Variants in ENPP3 observed in about 807,000 individuals in gnomAD.
The protein encoded by ENPP3 is ectonucleotide pyrophosphatase/phosphodiesterase family member 3.
In ENPP3, 104 loss-of-function variants were observed where a neutral mutation model predicts 117.8. The ratio of observed to expected loss-of-function variants is 0.88; its 90% CI spans 0.75 to 1.04. ENPP3 has a LOEUF of 1.04. Among genes scored for constraint, ENPP3 ranks in the 50% least tolerant of loss-of-function variants. The pLI is 0.00. For missense variants in ENPP3, 1,026 were observed against 1,051.9 expected, an observed-to-expected ratio of 0.98 and a Z score of 0.34; for synonymous variants, 380 against 349.9, an observed-to-expected ratio of 1.09 and a Z score of -0.96.
At chr6:131,727,459 G>A (rs2114544884) in intron 20 of ENPP3, among the ~76,000 whole-genome samples, 1 of 149,964 alleles carries the variant, frequency 6.7e-6, no homozygotes, top group East Asian at 2.0e-4. Flanking sequence ...GGAGGCTGAG[G>A]CAGGAGAATC....
At chr6:131,641,799 GTTTTTTTTTT>G (rs540011427) in intron 2 of ENPP3, among the ~76,000 whole-genome samples, 1 of 64,052 alleles carries the variant, frequency 1.6e-5, no homozygotes, top group African/African-American at 7.4e-5. Flanking sequence ...CTCCACCCTG[GTTTTTTTTTT>G]TTTTTTTTTT....
chr6:131,693,629 G>C lies in ENPP3; in HGVS notation c.1412+5G>C. The C allele has an allele frequency of 1.9e-6, 3 of 1,612,158 alleles. No homozygotes were observed. Among genetic ancestry groups the C allele is most frequent in the Non-Finnish European group, 2.5e-6 (3 of 1,179,112 alleles). ...TCAACAGTGGCTGGCTGTTAGGTTCGTGTATCTGTTTACTTATCTCATAAT... is the reference window on the plus strand; with the variant it reads ...TCAACAGTGGCTGGCTGTTAGGTTCCTGTATCTGTTTACTTATCTCATAAT... On this transcript the variant is annotated splice_donor_5th_base_variant and intron_variant, in intron 15 of 24. Transcript: ENST00000357639.
chr6:131,661,910 T>C (rs1027940395), intron 6 of ENPP3, among the ~76,000 whole-genome samples: 2 of 152,234 alleles, frequency 1.3e-5, no homozygotes, highest in African/African-American at 2.4e-5. Context: ...GATATAGTCC[T>C]ACATGTCCAT....
intron 20 of ENPP3, among the ~76,000 whole-genome samples, chr6:131,729,307 C>T (rs994831031): frequency 1.3e-5 from 2 of 152,082 alleles, no homozygotes; most frequent in Non-Finnish European, 2.9e-5. Context: ...TTATCCTTAC[C>T]GTAAGGCAAA....
chr6:131,742,580 A>C (rs558095553), intron 24 of ENPP3, among the ~76,000 whole-genome samples: 33 of 152,074 alleles, frequency 2.2e-4, no homozygotes, highest in Non-Finnish European at 4.0e-4. Context: ...TCTCACCCCA[A>C]AACTTCTGAT....
At chr6:131,643,016 GAGTA>G (rs1423688288) in intron 2 of ENPP3, 1 of 152,232 alleles carries the variant, frequency 6.6e-6, no homozygotes, top group Non-Finnish European at 1.5e-5. Flanking sequence ...GACTCCAGTG[GAGTA>G]AGTCTCATTG....
At chr6:131,661,442 TA>T (rs928186416) in intron 6 of ENPP3, among the ~76,000 whole-genome samples, 21 of 152,128 alleles carry the variant, frequency 1.4e-4, no homozygotes, top group Admixed American at 1.4e-3. Flanking sequence ...ATCTCATTTT[TA>T]AATTTTTATT....
intron 1 of ENPP3, among the ~76,000 whole-genome samples, chr6:131,641,128 C>G (rs1452674749): frequency 1.3e-5 from 2 of 151,892 alleles, no homozygotes; most frequent in East Asian, 3.9e-4. Flanking sequence ...AAAAATGGCC[C>G]AGAAAAATGG....
At position 131,738,076 on chromosome 6, in the gene ENPP3, C is replaced by A. The variant is rs1427887228; in HGVS notation, c.2213C>A (p.Thr738Lys). ...FHSVLLIKHA[T>K]ERNGVNVVSG... The stretch of plus-strand genomic sequence containing the variant: ...AGTGTTCTTCTTATAAAACATGCCA[C>A]AGAAAGAAATGGAGTAAATGTGGTT... Residue 738 changes from threonine to lysine, a missense_variant, in exon 23 of 25, where the codon ACA (threonine) becomes AAA (lysine). By Grantham distance (78) the Thr-to-Lys change is moderately conservative (BLOSUM62 -1). Coordinates refer to ENST00000357639, the MANE Select transcript of ENPP3 (RefSeq NM_005021.5). The A allele has an allele frequency of 1.2e-6, 2 of 1,605,220 alleles. No homozygotes were observed. The highest frequency in any genetic ancestry group is 8.5e-7 in the Non-Finnish European group (1 of 1,173,820).
At chr6:131,729,196 G>A (rs6933299) in intron 20 of ENPP3, among the ~76,000 whole-genome samples, 3,123 of 152,096 alleles carry the variant, frequency 0.021, 102 homozygotes, top group African/African-American at 0.07. Flanking sequence ...TTGAAACAGG[G>A]GCATTATTGT....
intron 11 of ENPP3, among the ~76,000 whole-genome samples, chr6:131,679,030 T>C (rs6941519): frequency 0.19 from 6,379 of 33,802 alleles, 316 homozygotes; most frequent in Non-Finnish European, 0.24. Flanking sequence ...TCCTTCCTTC[T>C]TTCTTTCTTT....
In ENPP3 at chr6:131,664,295, A is replaced by G. The variant is rs114637843; in HGVS notation, c.562+5875A>G. Among the ~76,000 whole-genome samples, 513 of 152,286 alleles carry G rather than the reference A, an allele frequency of 3.4e-3. 3 individuals are homozygous for G. The highest frequency in any genetic ancestry group is 0.011 in the African/African-American group (459 of 41,560). The stretch of plus-strand genomic sequence containing the variant: ...GTGAGTTTGTATCTTAGTTTTTGAC[A>G]GAAACATTTAAAAAGTAAAAACAAA... On this transcript the variant is annotated intron_variant, in intron 6 of 24. Coordinates refer to ENST00000357639, the MANE Select transcript of ENPP3 (RefSeq NM_005021.5).
intron 2 of ENPP3, chr6:131,642,855 A>G (rs544380773): frequency 6.6e-6 from 1 of 152,358 alleles, no homozygotes; most frequent in East Asian, 1.9e-4. Flanking sequence ...TGCTGGTGTG[A>G]GACACTGTGC....
chr6:131,735,014 A>C (rs1780365679), intron 21 of ENPP3, among the ~76,000 whole-genome samples: 1 of 152,104 alleles, frequency 6.6e-6, no homozygotes, highest in South Asian at 2.1e-4. Context: ...TTGCCTGACA[A>C]GGAATAAAAT....
intron 24 of ENPP3, among the ~76,000 whole-genome samples, chr6:131,746,207 T>C (rs996325058): frequency 6.6e-6 from 1 of 152,188 alleles, no homozygotes; most frequent in Non-Finnish European, 1.5e-5. Flanking sequence ...GCATTATTTA[T>C]AGTAACAAAA....
chr6:131,733,489 A>C, intron 20 of ENPP3, 99 bp from the exon 21 acceptor site: 2 of 1,316,356 alleles, frequency 1.5e-6, no homozygotes, highest in Non-Finnish European at 2.1e-6. Flanking sequence ...AAATAGGAAA[A>C]GCTTAAATGA....
rs114922916 is a variant in ENPP3, at chr6:131,652,251, G to A, written c.278-291G>A. 1.6e-3 allele frequency among the ~76,000 whole-genome samples: 251 copies of A among 152,322 alleles called. 1 individual carries two copies. The highest frequency in any genetic ancestry group is 5.7e-3 in the African/African-American group (236 of 41,568). On this transcript the variant is annotated intron_variant, in intron 3 of 24. Coordinates refer to ENST00000357639, the MANE Select transcript of ENPP3 (RefSeq NM_005021.5). ...GGCTAGTGATTCTTCACCTTGGGGA[G>A]CTCCTGCTCTTGGGTCGGAATAGGA...
intron 1 of ENPP3, chr6:131,638,508 A>G: frequency 2.2e-6 from 1 of 453,676 alleles, no homozygotes; most frequent in South Asian, 1.6e-5. Flanking sequence ...GGCTCAAGTG[A>G]TCCTCCTGCC....
At chr6:131,724,236 A>C in intron 19 of ENPP3, 145 bp downstream of exon 19, 1 of 610,840 alleles carries the variant, frequency 1.6e-6, no homozygotes, top group East Asian at 2.8e-5. Flanking sequence ...TAAAAAAAAA[A>C]AAACTCACAA....
Sources: gnomAD v4.1 joint callset for allele counts (sites outside exome capture counted in the v4.1 genomes callset) on GRCh38, gnomAD v4.1.1 for gene constraint, MANE v1.5 for transcripts, NCBI Gene and HGNC (gene_info 2026-07-23, HGNC 2026-07-21) for gene names.